Variants in DGKB observed in about 807,000 individuals in gnomAD.
DGKB encodes 90 kDa diacylglycerol kinase.
A neutral mutation model predicts 114.3 loss-of-function variants in DGKB; 67 were observed. That is an observed-to-expected ratio of 0.59 (90% CI 0.48 to 0.72). DGKB has a LOEUF of 0.72. Among genes scored for constraint, DGKB ranks in the 30% least tolerant of loss-of-function variants. The pLI, the probability that DGKB is intolerant of heterozygous loss-of-function variation, is 0.00. For missense variants in DGKB, 907 were observed against 975.2 expected (o/e 0.93, Z 0.93); for synonymous variants, 398 against 323.1 (o/e 1.23, Z -2.49).
intron 21 of DGKB, among the ~76,000 whole-genome samples, chr7:14,445,627 T>C (rs1428655266): frequency 6.6e-6 from 1 of 152,032 alleles, no homozygotes; most frequent in East Asian, 1.9e-4. Context: ...AATTTGCATT[T>C]AATCAACAGT....
At chr7:14,237,198 G>T (rs1045065825) in intron 23 of DGKB, among the ~76,000 whole-genome samples, 2 of 151,918 alleles carry the variant, frequency 1.3e-5, no homozygotes, top group Non-Finnish European at 2.9e-5. Flanking sequence ...ACCCACAAAT[G>T]TAAGTATTTA....
chr7:14,590,719 A>G (rs773289929), intron 17 of DGKB, among the ~76,000 whole-genome samples: 9 of 152,154 alleles, frequency 5.9e-5, no homozygotes, highest in Non-Finnish European at 1.0e-4. Context: ...CTCAGTTTCC[A>G]TAACTTTAGA....
chr7:14,803,600 G>C (rs756745791), intron 2 of DGKB, among the ~76,000 whole-genome samples: 1 of 151,944 alleles, frequency 6.6e-6, no homozygotes, highest in Non-Finnish European at 1.5e-5. Flanking sequence ...TGTCCCTTTC[G>C]GGCTGAGTTA....
At chr7:14,777,614 C>T (rs1407282039) in intron 2 of DGKB, among the ~76,000 whole-genome samples, 8 of 152,168 alleles carry the variant, frequency 5.3e-5, no homozygotes, top group Non-Finnish European at 1.2e-4. Flanking sequence ...GCTTCTCCTT[C>T]TGCCATGATT....
At chr7:14,804,121 G>A (rs1481570950) in intron 2 of DGKB, among the ~76,000 whole-genome samples, 1 of 150,822 alleles carries the variant, frequency 6.6e-6, no homozygotes, top group Non-Finnish European at 1.5e-5. Flanking sequence ...TTCATTGAGA[G>A]CCTATTTGTA....
intron 20 of DGKB, among the ~76,000 whole-genome samples, chr7:14,558,838 T>C (rs1313942888): frequency 9.9e-5 from 15 of 152,182 alleles, no homozygotes; most frequent in South Asian, 2.1e-4. Flanking sequence ...CACCTAGGAC[T>C]CCATTTGCTT....
chr7:14,569,495 GAAGCTAGGTTTGAACATTATC>G (rs1331893980), intron 20 of DGKB, among the ~76,000 whole-genome samples: 2 of 152,020 alleles, frequency 1.3e-5, no homozygotes, highest in Non-Finnish European at 2.9e-5. Context: ...TTCTTTCTAG[GAAGCTAGGTTTGAACATTATC>G]AACTAAGTAA....
chr7:14,585,831 G>A (rs1800670380), intron 17 of DGKB, among the ~76,000 whole-genome samples: 1 of 152,004 alleles, frequency 6.6e-6, no homozygotes. Context: ...GGTGATCTCT[G>A]ATCAGTTATT....
intron 19 of DGKB, 100 bp from the exon 20 acceptor site, chr7:14,574,472 G>A: frequency 7.3e-6 from 7 of 954,068 alleles, no homozygotes; most frequent in South Asian, 3.6e-5. Flanking sequence ...ATATTCTAAA[G>A]GTAAATAATG....
intron 9 of DGKB, among the ~76,000 whole-genome samples, chr7:14,692,101 T>C (rs954624960): frequency 6.6e-6 from 1 of 152,022 alleles, no homozygotes; most frequent in African/African-American, 2.4e-5. Flanking sequence ...CTCTATTACC[T>C]GTGATAATTT....
intron 15 of DGKB, 140 bp downstream of exon 15, chr7:14,621,238 T>C (rs1005508848): frequency 8.6e-6 from 5 of 578,956 alleles, no homozygotes; most frequent in East Asian, 3.1e-5. Flanking sequence ...TCTTGATAAA[T>C]TAATAAAGAT....
chr7:14,240,798 A>G (rs1470267960), intron 23 of DGKB, among the ~76,000 whole-genome samples: 1 of 152,152 alleles, frequency 6.6e-6, no homozygotes, highest in Non-Finnish European at 1.5e-5. Context: ...GTGACAGTAA[A>G]TGGTTACAGT....
At chr7:14,555,852 G>A (rs1795792597) in intron 20 of DGKB, among the ~76,000 whole-genome samples, 1 of 152,158 alleles carries the variant, frequency 6.6e-6, no homozygotes, top group Non-Finnish European at 1.5e-5. Context: ...GCAACATCAG[G>A]AAGTTACTTT....
chr7:14,577,431 C>T (rs1295419508), intron 19 of DGKB, among the ~76,000 whole-genome samples: 3 of 152,142 alleles, frequency 2.0e-5, no homozygotes, highest in East Asian at 1.9e-4. Flanking sequence ...TTCTGGCTAA[C>T]ACGGTGAAAC....
chr7:14,177,220 C>A (rs1413423248), intron 24 of DGKB, among the ~76,000 whole-genome samples: 4 of 151,976 alleles, frequency 2.6e-5, no homozygotes, highest in African/African-American at 9.7e-5. Flanking sequence ...GTTTTTATAA[C>A]CCTACATTGC....
intron 2 of DGKB, among the ~76,000 whole-genome samples, chr7:14,762,060 C>T (rs188558627): frequency 6.6e-6 from 1 of 152,118 alleles, no homozygotes; most frequent in South Asian, 2.1e-4. Context: ...TGCCCTTTGA[C>T]TAACATATCC....
At chr7:14,496,134 G>C (rs970092149) in intron 20 of DGKB, among the ~76,000 whole-genome samples, 8 of 151,684 alleles carry the variant, frequency 5.3e-5, no homozygotes, top group Admixed American at 3.3e-4. Flanking sequence ...AAAATTTACG[G>C]AAGTAGCTTT....
intron 1 of DGKB, among the ~76,000 whole-genome samples, chr7:14,871,153 G>T (rs1042050916): frequency 6.6e-6 from 1 of 151,994 alleles, no homozygotes; most frequent in Non-Finnish European, 1.5e-5. Flanking sequence ...TATATTTATG[G>T]GGTAAAATGT....
intron 1 of DGKB, among the ~76,000 whole-genome samples, chr7:14,949,161 C>T (rs1303088306): frequency 6.6e-6 from 1 of 151,460 alleles, no homozygotes; most frequent in Non-Finnish European, 1.5e-5. Context: ...ACAAAAGAAA[C>T]ATTAATAAAA....
Sources: allele counts gnomAD v4.1 joint callset (sites outside exome capture counted in the v4.1 genomes callset), GRCh38; gene constraint gnomAD v4.1.1; transcripts MANE v1.5; gene names NCBI Gene and HGNC (gene_info 2026-07-23, HGNC 2026-07-21).